TYW1: variants seen among roughly 807,000 people sequenced by gnomAD.
TYW1 encodes the protein tRNA-yW synthesizing protein 1 homolog.
A neutral mutation model predicts 96.2 loss-of-function variants in TYW1; 46 were observed. That is an observed-to-expected ratio of 0.48 (90% CI 0.38 to 0.61). The LOEUF (loss-of-function observed/expected upper bound fraction) is 0.61. TYW1 is among the 20% of genes least tolerant of loss of function. The pLI is 0.00. For missense variants in TYW1, 684 were observed against 909.6 expected (o/e 0.75, Z 3.19); for synonymous variants, 274 against 323.0 (o/e 0.85, Z 1.63).
rs1322679180 is a variant in TYW1 at position 67,129,515 on chromosome 7, C to T, written c.1698+11897C>T. Among the ~76,000 whole-genome samples, 3 of 152,212 alleles carry T rather than the reference C, an allele frequency of 2.0e-5. No homozygotes were observed. In the East Asian group the frequency reaches 5.8e-4, roughly 29 times the overall value. ...TTTCTGCTCCTGTTAAGTTGTGATTCTCTGTGCCTGCCTGTTTTTCCCTCC... is the reference window on the plus strand; with the variant it reads ...TTTCTGCTCCTGTTAAGTTGTGATTTTCTGTGCCTGCCTGTTTTTCCCTCC... On this transcript the variant is annotated intron_variant, in intron 13 of 15. Transcript: ENST00000359626.
At chr7:67,129,983 A>G (rs1171854500) in intron 13 of TYW1, among the ~76,000 whole-genome samples, 1 of 152,038 alleles carries the variant, frequency 6.6e-6, no homozygotes, top group African/African-American at 2.4e-5. Context: ...TATCATTACT[A>G]CGTATTGAAA....
chr7:67,126,837 T>C (rs1797927181), intron 13 of TYW1, among the ~76,000 whole-genome samples: 1 of 152,220 alleles, frequency 6.6e-6, no homozygotes, highest in African/African-American at 2.4e-5. Flanking sequence ...ATTTGTCTGT[T>C]CTTGCAACAA....
chr7:67,156,618 C>G (rs1237018778), intron 13 of TYW1, among the ~76,000 whole-genome samples: 1 of 152,140 alleles, frequency 6.6e-6, no homozygotes, highest in Non-Finnish European at 1.5e-5. Flanking sequence ...TGCTGGGGAC[C>G]TGGCCACATC....
chr7:67,158,237 C>T (rs563093488), intron 13 of TYW1, among the ~76,000 whole-genome samples: 57 of 151,706 alleles, frequency 3.8e-4, no homozygotes, highest in African/African-American at 4.8e-4. Flanking sequence ...TACAGGTGTG[C>T]GCCACCACAT....
chr7:67,202,772 A>G (rs986810182), intron 15 of TYW1, among the ~76,000 whole-genome samples: 5 of 152,326 alleles, frequency 3.3e-5, no homozygotes, highest in African/African-American at 1.2e-4. Context: ...ATGAAGGACT[A>G]CTTTCCTATT....
At chr7:67,224,221 G>A (rs1337582066) in intron 15 of TYW1, among the ~76,000 whole-genome samples, 17 of 152,148 alleles carry the variant, frequency 1.1e-4, no homozygotes, top group African/African-American at 2.9e-4. Flanking sequence ...TCCGCCTCCC[G>A]GGTTCAAGTG....
At chr7:67,142,134 C>T (rs975853102) in intron 13 of TYW1, among the ~76,000 whole-genome samples, 6 of 152,136 alleles carry the variant, frequency 3.9e-5, no homozygotes, top group African/African-American at 9.7e-5. Flanking sequence ...CTTGTTCTGT[C>T]GCCCAGGCTG....
chr7:67,015,492 T>TACTGGTAC (rs1419960128), intron 5 of TYW1, among the ~76,000 whole-genome samples: 2 of 152,246 alleles, frequency 1.3e-5, no homozygotes, highest in East Asian at 3.9e-4. Context: ...GCTGGAACTA[T>TACTGGTAC]AGGCGTGCAC....
At chr7:67,054,731 C>T (rs976916084) in intron 8 of TYW1, among the ~76,000 whole-genome samples, 18 of 152,230 alleles carry the variant, frequency 1.2e-4, no homozygotes, top group African/African-American at 3.1e-4. Context: ...TTTGTGAGAG[C>T]GACTCATGAT....
chr7:66,997,715 C>G (rs1398402317), intron 1 of TYW1, among the ~76,000 whole-genome samples: 4 of 146,714 alleles, frequency 2.7e-5, no homozygotes, highest in Admixed American at 1.4e-4. Flanking sequence ...TGCAACTTCT[C>G]CCTCCCAGGT....
chr7:67,175,340 T>A (rs369307338), intron 13 of TYW1, among the ~76,000 whole-genome samples: 1 of 152,024 alleles, frequency 6.6e-6, no homozygotes, highest in South Asian at 2.1e-4. Context: ...CCCAGCTAAT[T>A]TTGTATTTTT....
chr7:67,230,157 CT>C (rs1801702199), intron 15 of TYW1, among the ~76,000 whole-genome samples: 1 of 151,962 alleles, frequency 6.6e-6, no homozygotes, highest in African/African-American at 2.4e-5. Flanking sequence ...TATCACTTAG[CT>C]TTTTTTGGAC....
At chr7:67,146,208 T>C (rs1434414869) in intron 13 of TYW1, among the ~76,000 whole-genome samples, 1 of 152,230 alleles carries the variant, frequency 6.6e-6, no homozygotes, top group Non-Finnish European at 1.5e-5. Flanking sequence ...AATCTTGCTC[T>C]ATTTCTTCAT....
At chr7:67,133,399 T>G (rs1163169149) in intron 13 of TYW1, among the ~76,000 whole-genome samples, 1 of 152,106 alleles carries the variant, frequency 6.6e-6, no homozygotes, top group African/African-American at 2.4e-5. Flanking sequence ...TACCTTGGCT[T>G]TCAAAAGTGC....
chr7:67,210,161 T>C (rs1262817763), intron 15 of TYW1, among the ~76,000 whole-genome samples: 1 of 152,226 alleles, frequency 6.6e-6, no homozygotes, highest in African/African-American at 2.4e-5. Context: ...GCGTGGCAGT[T>C]CTCAGACTTT....
In TYW1 at chr7:67,064,379, T is replaced by C. The variant is rs551586400; in HGVS notation, c.1156-2906T>C. On this transcript the variant is annotated intron_variant, in intron 9 of 15. Transcript: ENST00000359626. ...TAAATCAAGGGAAAGACTAGAGATC[T>C]CAGAAATAGACTCACAAAATATGTT... 7.9e-5 allele frequency among the ~76,000 whole-genome samples: 12 copies of C among 152,320 alleles called. No individual in the cohort carries two copies. The East Asian group carries it at 1.9e-3, about 24-fold the overall frequency.
intron 8 of TYW1, among the ~76,000 whole-genome samples, chr7:67,051,724 G>GTTTTTTTTTT (rs200899821): frequency 1.7e-5 from 2 of 118,238 alleles, no homozygotes; most frequent in Non-Finnish European, 3.6e-5. Flanking sequence ...GACTGTTTTT[G>GTTTTTTTTTT]TTTTTTTGTT....
At chr7:67,197,908 C>T (rs922732041) in intron 15 of TYW1, among the ~76,000 whole-genome samples, 4 of 151,314 alleles carry the variant, frequency 2.6e-5, no homozygotes, top group African/African-American at 4.9e-5. Context: ...CTTGCTCTCT[C>T]TCTTTTGCTC....
intron 13 of TYW1, among the ~76,000 whole-genome samples, chr7:67,144,552 G>T (rs1798545655): frequency 6.6e-6 from 1 of 152,020 alleles, no homozygotes; most frequent in African/African-American, 2.4e-5. Flanking sequence ...GCTCACTGCA[G>T]CCTCCACCTC....
Sources: gnomAD v4.1 joint callset for allele counts (sites outside exome capture counted in the v4.1 genomes callset) on GRCh38, gnomAD v4.1.1 for gene constraint, MANE v1.5 for transcripts, NCBI Gene and HGNC (gene_info 2026-07-23, HGNC 2026-07-21) for gene names.